CAPN5: variants seen among roughly 807,000 people sequenced by gnomAD.
CAPN5 encodes calpain-5.
Under a neutral mutation model 73.0 loss-of-function variants are expected in CAPN5, and 54 were observed. That is an observed-to-expected ratio of 0.74 (90% CI 0.59 to 0.93). CAPN5 has a LOEUF of 0.93. Among genes scored for constraint, CAPN5 ranks in the 40% least tolerant of loss-of-function variants. The pLI is 0.00. For missense variants in CAPN5, 785 were observed against 882.9 expected, an observed-to-expected ratio of 0.89 and a Z score of 1.41; for synonymous variants, 335 against 356.9, an observed-to-expected ratio of 0.94 and a Z score of 0.69.
At chr11:77,074,960 G>A (rs955391781) in intron 1 of CAPN5, among the ~76,000 whole-genome samples, 1 of 152,214 alleles carries the variant, frequency 6.6e-6, no homozygotes, top group Non-Finnish European at 1.5e-5. Flanking sequence ...ACGTGAGACT[G>A]CCAGTCCAAG....
chr11:77,122,998 G>C (rs1450258785), intron 12 of CAPN5, among the ~76,000 whole-genome samples: 1 of 152,242 alleles, frequency 6.6e-6, no homozygotes, highest in Non-Finnish European at 1.5e-5. Context: ...CCTCAGCTTT[G>C]GGAACTATCC....
intron 3 of CAPN5, among the ~76,000 whole-genome samples, chr11:77,095,917 T>G (rs1950204532): frequency 6.6e-6 from 1 of 152,198 alleles, no homozygotes; most frequent in South Asian, 2.1e-4. Context: ...TACAGCAGCT[T>G]GGGTCCCAGG....
intron 2 of CAPN5, chr11:77,088,013 G>T (rs1950107932): frequency 1.3e-6 from 2 of 1,535,902 alleles, no homozygotes; most frequent in Admixed American, 3.9e-5. Flanking sequence ...ATGTCCCCAG[G>T]CCTGGGAGCT....
intron 3 of CAPN5, among the ~76,000 whole-genome samples, chr11:77,108,807 T>A (rs1462385015): frequency 6.6e-6 from 1 of 152,248 alleles, no homozygotes; most frequent in Non-Finnish European, 1.5e-5. Flanking sequence ...GTAATTGTTC[T>A]AATTTCTAAT....
intron 3 of CAPN5, among the ~76,000 whole-genome samples, chr11:77,101,888 G>A (rs1327112025): frequency 6.6e-6 from 1 of 152,222 alleles, no homozygotes; most frequent in Non-Finnish European, 1.5e-5. Context: ...GCCCCTGGGG[G>A]AAACTGAGGA....
In CAPN5 at chr11:77,077,584, C is replaced by T. The variant is rs569407561; in HGVS notation, c.-35-7268C>T. 4.6e-3 allele frequency among the ~76,000 whole-genome samples: 689 copies of T among 150,906 alleles called. 6 individuals are homozygous for T. The highest frequency in any genetic ancestry group is 0.015 in the African/African-American group (627 of 41,126). On this transcript the variant is annotated intron_variant, in intron 1 of 12. Transcript: ENST00000648180. ...CGCTCTTGTCTCCCAGGCTGGAGTG[C>T]GGTGGCGCGATCTCGGCTCACTGCA...
At position 77,122,606 on chromosome 11, in the gene CAPN5, A is replaced by G. The variant is rs1326080679; in HGVS notation, c.1634A>G (p.Glu545Gly). ...AACTCTTATGTGATCATCAAGTGTG[A>G]GGGAGACAAAGTCCGCTCGGCTGTG... Reference protein sequence around the residue: ...GANSYVIIKCEGDKVRSAVQK... With the variant: ...GANSYVIIKCGGDKVRSAVQK... The change falls in exon 12 of 13, where the codon GAG becomes GGG. Residue 545 changes from glutamate to glycine, a missense_variant. By Grantham distance (98) the Glu-to-Gly change is moderately conservative. Coordinates refer to ENST00000648180, the MANE Select transcript of CAPN5 (RefSeq NM_004055.5). 2.5e-6 allele frequency: 4 copies of G among 1,598,816 alleles called. No homozygotes were observed. In the African/African-American group the frequency reaches 5.4e-5, roughly 22 times the overall value.
At chr11:77,116,768 G>C (rs1272260568) in intron 7 of CAPN5, among the ~76,000 whole-genome samples, 1 of 152,210 alleles carries the variant, frequency 6.6e-6, no homozygotes, top group Non-Finnish European at 1.5e-5. Flanking sequence ...TCTGAAATTA[G>C]GTAGCAGAGG....
chr11:77,099,672 C>T (rs1317316584), intron 3 of CAPN5, among the ~76,000 whole-genome samples: 12 of 149,964 alleles, frequency 8.0e-5, no homozygotes, highest in Admixed American at 1.3e-4. Context: ...GGCAGCAGTA[C>T]AGTCCAGCTT....
chr11:77,115,656 G>A (rs1472001814), intron 6 of CAPN5, 68 bp downstream of exon 6: 2 of 1,345,026 alleles, frequency 1.5e-6, no homozygotes, highest in Admixed American at 2.0e-5. Context: ...TGGGCTTCTT[G>A]GAGGAGTTGG....
intron 2 of CAPN5, chr11:77,088,106 C>A: frequency 6.7e-7 from 1 of 1,500,580 alleles, no homozygotes. Flanking sequence ...TCCCCTCATC[C>A]AGCATGCTGT....
At chr11:77,077,388 A>G (rs1180773808) in intron 1 of CAPN5, among the ~76,000 whole-genome samples, 6 of 151,878 alleles carry the variant, frequency 4.0e-5, no homozygotes, top group African/African-American at 1.5e-4. Flanking sequence ...GTCTTTTTTT[A>G]TAAAAGACAT....
chr11:77,119,456 T>G, intron 9 of CAPN5: 1 of 363,786 alleles, frequency 2.7e-6, no homozygotes. Context: ...GGCCGGGCCC[T>G]GGGAGGCTCT....
chr11:77,113,556 A>G (rs1263086673), intron 4 of CAPN5, among the ~76,000 whole-genome samples: 7 of 152,168 alleles, frequency 4.6e-5, no homozygotes, highest in African/African-American at 1.7e-4. Flanking sequence ...ATGTGTGTGT[A>G]GGGGCAGGAG....
chr11:77,100,836 C>G (rs577737597), intron 3 of CAPN5, among the ~76,000 whole-genome samples: 1 of 152,348 alleles, frequency 6.6e-6, no homozygotes, highest in African/African-American at 2.4e-5. Flanking sequence ...TCGCTTTGCC[C>G]TTTTACCCTT....
chr11:77,100,766 A>AC (rs1434619290), intron 3 of CAPN5, among the ~76,000 whole-genome samples: 1 of 151,546 alleles, frequency 6.6e-6, no homozygotes, highest in Non-Finnish European at 1.5e-5. Flanking sequence ...AGCCCATTCT[A>AC]CCCCAAGAAC....
At chr11:77,097,430 A>T (rs376725998) in intron 3 of CAPN5, among the ~76,000 whole-genome samples, 2 of 144,920 alleles carry the variant, frequency 1.4e-5, no homozygotes, top group East Asian at 2.0e-4. Flanking sequence ...ATCAGACACG[A>T]TCAGTGTTAA....
chr11:77,102,321 CAG>C (rs1390208869), intron 3 of CAPN5, among the ~76,000 whole-genome samples: 25 of 152,188 alleles, frequency 1.6e-4, no homozygotes, highest in African/African-American at 6.0e-4. Context: ...AGGCGGGCGT[CAG>C]GGGTAGCTCC....
chr11:77,122,043 C>G lies in CAPN5; in HGVS notation c.1597C>G (p.Pro533Ala). ...GGGAGCTGCTGGCCTCAAGGACTCC[C>G]CAACAGGTGAGCTCTCCCAGGGAGA... is the stretch of plus-strand genomic sequence containing the variant. ...VLGAAGLKDS[P>A]TGANSYVIIK... The change falls in exon 11 of 13, where the codon CCA (proline) becomes GCA (alanine). Residue 533 changes from proline (P) to alanine (A), a missense_variant. Pro to Ala is a conservative substitution (Grantham distance 27). Coordinates refer to ENST00000648180, the MANE Select transcript of CAPN5 (RefSeq NM_004055.5). The G allele has an allele frequency of 6.5e-7, 1 of 1,545,754 alleles. No homozygotes were observed.
Sources: gnomAD v4.1 joint callset for allele counts (sites outside exome capture counted in the v4.1 genomes callset) on GRCh38, gnomAD v4.1.1 for gene constraint, MANE v1.5 for transcripts, NCBI Gene and HGNC (gene_info 2026-07-23, HGNC 2026-07-21) for gene names.